FRMD4A: variants seen among roughly 807,000 people sequenced by gnomAD.
The protein encoded by FRMD4A is FERM domain-containing protein 4A.
In FRMD4A, 29 loss-of-function variants were observed where a neutral mutation model predicts 129.1. The observed-to-expected ratio is 0.22, with a 90% CI of 0.17 to 0.31. The LOEUF (loss-of-function observed/expected upper bound fraction) is 0.31, where lower values mean the gene tolerates loss of function less well. FRMD4A is among the 10% of genes least tolerant of loss of function. The pLI is 1.00. For synonymous variants in FRMD4A, 634 were observed against 571.6 expected (o/e 1.11, Z -1.56); for missense variants, 1,272 against 1,375.8 (o/e 0.92, Z 1.19).
At position 14,221,179 on chromosome 10, in the gene FRMD4A, G is replaced by A. The variant is rs1018318592; in HGVS notation, c.45+108879C>T. Reference sequence around the variant, plus strand: ...TGATGGGGCAAAGCAGAAGCAAGATGATCTGATGCTGCAGGGGGCTGCCCT... The same window carrying A: ...TGATGGGGCAAAGCAGAAGCAAGATAATCTGATGCTGCAGGGGGCTGCCCT... On this transcript the variant is annotated intron_variant, in intron 2 of 24. Coordinates refer to ENST00000357447, the MANE Select transcript of FRMD4A (RefSeq NM_018027.5). 9.2e-5 allele frequency among the ~76,000 whole-genome samples: 14 copies of A among 152,318 alleles called. 1 individual carries two copies. The highest frequency in any genetic ancestry group is 9.2e-4 in the Admixed American group (14 of 15,298).
intron 17 of FRMD4A, chr10:13,668,410 C>G (rs7092629): frequency 0.04 from 6,028 of 152,302 alleles, 413 homozygotes; most frequent in African/African-American, 0.14. Context: ...ACTATTTAAA[C>G]TAAGACAAGT....
chr10:14,253,711 A>G (rs1003107112), intron 2 of FRMD4A, among the ~76,000 whole-genome samples: 1 of 152,150 alleles, frequency 6.6e-6, no homozygotes, highest in Non-Finnish European at 1.5e-5. Flanking sequence ...AATAGAGAAC[A>G]TGGTCCATTT....
At chr10:13,822,975 C>T (rs2093651276) in intron 3 of FRMD4A, among the ~76,000 whole-genome samples, 1 of 152,114 alleles carries the variant, frequency 6.6e-6, no homozygotes, top group Non-Finnish European at 1.5e-5. Context: ...CCCATTTGTC[C>T]CTCTCCTTCC....
intron 9 of FRMD4A, among the ~76,000 whole-genome samples, chr10:13,741,169 G>T (rs570021364): frequency 6.6e-6 from 1 of 152,130 alleles, no homozygotes; most frequent in South Asian, 2.1e-4. Context: ...TGGAGCCCAG[G>T]CCGGGTGCAG....
At chr10:13,648,425 G>T (rs984178003) in intron 24 of FRMD4A, among the ~76,000 whole-genome samples, 2 of 152,134 alleles carry the variant, frequency 1.3e-5, no homozygotes, top group Admixed American at 6.5e-5. Context: ...TTCTTAGGGG[G>T]ACAGTCTCTC....
chr10:13,789,766 ATAATG>A (rs1228805489), intron 5 of FRMD4A, among the ~76,000 whole-genome samples: 1 of 66,818 alleles, frequency 1.5e-5, no homozygotes, highest in African/African-American at 6.4e-5. Context: ...CTGGCTGCTT[ATAATG>A]TGTGTGTGTG....
intron 2 of FRMD4A, among the ~76,000 whole-genome samples, chr10:14,312,336 G>C (rs866538837): frequency 6.6e-6 from 1 of 152,132 alleles, no homozygotes; most frequent in African/African-American, 2.4e-5. Context: ...TGTAGTCTCC[G>C]TACTTCTGAT....
At position 14,330,112 on chromosome 10, in the gene FRMD4A, T is replaced by C. The variant is rs575588225; in HGVS notation, c.-10A>G. The C allele has an allele frequency of 2.1e-5, 33 of 1,552,112 alleles. 1 individual carries two copies. In the South Asian group the frequency reaches 3.7e-4, roughly 17 times the overall value. ...CCAGCTGCACTGCCATGGTCTCCGA[T>C]TCCCATGCACGAATCCTGCTGCCGA... is the stretch of plus-strand genomic sequence containing the variant. On this transcript the variant is annotated 5_prime_UTR_variant, in exon 2 of 25. Transcript: ENST00000357447.
rs185970024 is a variant in FRMD4A at position 14,260,881 on chromosome 10, T to C, written c.45+69177A>G. Among the ~76,000 whole-genome samples, 15 of 152,350 alleles carry C rather than the reference T, an allele frequency of 9.8e-5. No homozygotes were observed. The East Asian group carries it at 2.9e-3, about 29-fold the overall frequency. The stretch of plus-strand genomic sequence containing the variant: ...ACAGAGTGGCATAAAATTCAGAATG[T>C]TGGATTCTGAGTAGACACCTGGGGT... On this transcript the variant is annotated intron_variant, in intron 2 of 24. Transcript: ENST00000357447.
At chr10:13,998,758 TC>T (rs777488681) in intron 2 of FRMD4A, among the ~76,000 whole-genome samples, 1 of 152,156 alleles carries the variant, frequency 6.6e-6, no homozygotes, top group Non-Finnish European at 1.5e-5. Context: ...TCTCACCACC[TC>T]CAGGGTATCC....
intron 6 of FRMD4A, among the ~76,000 whole-genome samples, chr10:13,775,957 C>A (rs143480929): frequency 1.3e-5 from 2 of 152,170 alleles, no homozygotes; most frequent in African/African-American, 4.8e-5. Context: ...GTCTAAAAAA[C>A]GAGCTGCAAC....
At chr10:14,074,119 T>A (rs201136247) in intron 2 of FRMD4A, among the ~76,000 whole-genome samples, 6,853 of 151,792 alleles carry the variant, frequency 0.045, 263 homozygotes, top group East Asian at 0.16. Flanking sequence ...AAAAAAAATT[T>A]TTTTTGTTTC....
At chr10:13,964,204 G>C (rs2095468023) in intron 2 of FRMD4A, among the ~76,000 whole-genome samples, 1 of 149,030 alleles carries the variant, frequency 6.7e-6, no homozygotes, top group African/African-American at 2.5e-5. Context: ...TCTACAAATA[G>C]ACCAAAGAAA....
At chr10:14,230,555 C>T (rs1225711698) in intron 2 of FRMD4A, among the ~76,000 whole-genome samples, 1 of 152,202 alleles carries the variant, frequency 6.6e-6, no homozygotes, top group Non-Finnish European at 1.5e-5. Context: ...TGTACGATTG[C>T]TACTCACAGG....
rs200005184 is a variant in FRMD4A, at chr10:13,689,532, A to T, written c.1117+4366T>A. 0.017 allele frequency among the ~76,000 whole-genome samples: 87 copies of T among 5,016 alleles called. No individual in the cohort carries two copies. In the East Asian group the frequency reaches 0.47, roughly 27 times the overall value. 3.3% of individuals were successfully genotyped at this position (5,016 alleles called of 152,430 possible). On this transcript the variant is annotated intron_variant, in intron 15 of 24. Coordinates refer to ENST00000357447, the MANE Select transcript of FRMD4A (RefSeq NM_018027.5). ...GCCCAGGGTACCATACACTCTAGGA[A>T]CATAGATTAGAAGATTCTTTTTTTT...
At chr10:13,925,654 G>T (rs1169847029) in intron 2 of FRMD4A, among the ~76,000 whole-genome samples, 1 of 131,104 alleles carries the variant, frequency 7.6e-6, no homozygotes, top group Non-Finnish European at 1.5e-5. Flanking sequence ...CGTGATCTCG[G>T]CTCACTGCAA....
chr10:14,241,917 C>A (rs1844062752), intron 2 of FRMD4A, among the ~76,000 whole-genome samples: 1 of 152,002 alleles, frequency 6.6e-6, no homozygotes. Context: ...CTGAGGATCT[C>A]TTCTGTTTTC....
chr10:13,710,298 T>C (rs1418009714), intron 12 of FRMD4A: 2 of 152,262 alleles, frequency 1.3e-5, no homozygotes, highest in East Asian at 3.9e-4. Context: ...CGAGGGGTTG[T>C]TTCCCTGGCA....
intron 2 of FRMD4A, among the ~76,000 whole-genome samples, chr10:14,010,807 G>A (rs542583370): frequency 2.6e-5 from 4 of 151,838 alleles, no homozygotes; most frequent in African/African-American, 9.7e-5. Flanking sequence ...ACCATGCCTG[G>A]CCAAGTATTT....
Sources: allele counts gnomAD v4.1 joint callset (sites outside exome capture counted in the v4.1 genomes callset), GRCh38; gene constraint gnomAD v4.1.1; transcripts MANE v1.5; gene names NCBI Gene and HGNC (gene_info 2026-07-23, HGNC 2026-07-21).